LRRFIP1: variants seen among roughly 807,000 people sequenced by gnomAD.
LRRFIP1 encodes leucine-rich repeat flightless-interacting protein 1.
A neutral mutation model predicts 104.4 loss-of-function variants in LRRFIP1; 62 were observed. The ratio of observed to expected loss-of-function variants is 0.59; its 90% CI spans 0.48 to 0.73. The LOEUF (loss-of-function observed/expected upper bound fraction) is 0.73, where lower values mean the gene tolerates loss of function less well. Among genes scored for constraint, LRRFIP1 ranks in the 30% least tolerant of loss-of-function variants. The pLI is 0.00. For synonymous variants in LRRFIP1, 300 were observed against 299.0 expected (o/e 1.00, Z -0.03); for missense variants, 796 against 824.5 (o/e 0.97, Z 0.42).
At chr2:237,748,259 A>C in intron 11 of LRRFIP1, 105 bp from the exon 12 acceptor site, 1 of 897,498 alleles carries the variant, frequency 1.1e-6, no homozygotes, top group East Asian at 2.5e-5. Flanking sequence ...ATTACAAAGG[A>C]AGCAAATGTT....
chr2:237,746,749 A>G (rs767038825), intron 11 of LRRFIP1, among the ~76,000 whole-genome samples: 17 of 152,242 alleles, frequency 1.1e-4, no homozygotes, highest in Non-Finnish European at 2.4e-4. Context: ...CAACGTGAGA[A>G]TGGACATCAG....
At chr2:237,672,360 T>C (rs1390234352) in intron 1 of LRRFIP1, among the ~76,000 whole-genome samples, 1 of 152,132 alleles carries the variant, frequency 6.6e-6, no homozygotes, top group South Asian at 2.1e-4. Flanking sequence ...CTTTAGAGAG[T>C]GAGGATCGAT....
chr2:237,673,717 G>C (rs988869631), intron 1 of LRRFIP1, among the ~76,000 whole-genome samples: 4 of 152,182 alleles, frequency 2.6e-5, no homozygotes, highest in African/African-American at 7.2e-5. Context: ...GGCGGGGAGG[G>C]TACCGTTTGG....
At chr2:237,753,542 T>C in intron 15 of LRRFIP1, 63 bp downstream of exon 15, 1 of 1,404,256 alleles carries the variant, frequency 7.1e-7, no homozygotes. Context: ...ATGCCTGTAA[T>C]TCTGGTACTT....
intron 1 of LRRFIP1, among the ~76,000 whole-genome samples, chr2:237,681,611 C>T (rs1470353516): frequency 6.6e-6 from 1 of 151,318 alleles, no homozygotes; most frequent in African/African-American, 2.4e-5. Context: ...AGGTGATCTG[C>T]CTGCCTCAGC....
chr2:237,674,991 C>T (rs937462455), intron 1 of LRRFIP1, among the ~76,000 whole-genome samples: 1 of 152,230 alleles, frequency 6.6e-6, no homozygotes, highest in Non-Finnish European at 1.5e-5. Context: ...GAGGAGGGAG[C>T]CCGGAGCACG....
At chr2:237,687,345 C>T (rs541348921) in intron 1 of LRRFIP1, among the ~76,000 whole-genome samples, 1 of 152,104 alleles carries the variant, frequency 6.6e-6, no homozygotes, top group African/African-American at 2.4e-5. Context: ...TGGCTTACAC[C>T]TGTAATCCCA....
At chr2:237,778,957 C>G (rs1182239286) in intron 23 of LRRFIP1, among the ~76,000 whole-genome samples, 1 of 151,424 alleles carries the variant, frequency 6.6e-6, no homozygotes, top group Non-Finnish European at 1.5e-5. Context: ...AGCGTGGTGG[C>G]TCATGCCTGT....
At chr2:237,743,688 A>G (rs1010184452) in intron 11 of LRRFIP1, among the ~76,000 whole-genome samples, 4 of 152,002 alleles carry the variant, frequency 2.6e-5, no homozygotes, top group African/African-American at 9.7e-5. Context: ...CCCAGCCCTC[A>G]TGGGACGCAC....
intron 1 of LRRFIP1, among the ~76,000 whole-genome samples, chr2:237,663,848 C>T (rs894706705): frequency 5.3e-5 from 8 of 152,100 alleles, no homozygotes; most frequent in Admixed American, 1.3e-4. Flanking sequence ...GGTTCACGTG[C>T]ATTCGCCTGG....
chr2:237,718,502 G>T (rs2094426425), intron 4 of LRRFIP1, among the ~76,000 whole-genome samples: 1 of 152,150 alleles, frequency 6.6e-6, no homozygotes, highest in African/African-American at 2.4e-5. Context: ...CCCACATAGG[G>T]AGGCTGCGGA....
chr2:237,647,361 A>G (rs2149362214), intron 1 of LRRFIP1, among the ~76,000 whole-genome samples: 1 of 151,922 alleles, frequency 6.6e-6, no homozygotes, highest in Non-Finnish European at 1.5e-5. Context: ...GGCTCTTAAC[A>G]CTTCTGCCCA....
At chr2:237,662,342 G>A (rs2088169670) in intron 1 of LRRFIP1, among the ~76,000 whole-genome samples, 2 of 152,110 alleles carry the variant, frequency 1.3e-5, no homozygotes, top group African/African-American at 4.8e-5. Context: ...GTCCAAATAA[G>A]GCCCCATCCA....
chr2:237,762,303 A>G (rs957138812), intron 19 of LRRFIP1, among the ~76,000 whole-genome samples: 2 of 152,202 alleles, frequency 1.3e-5, no homozygotes, highest in African/African-American at 4.8e-5. Context: ...TGCCTGATCC[A>G]GAGTTCTTTC....
At chr2:237,718,981 A>G (rs1038865968) in intron 4 of LRRFIP1, among the ~76,000 whole-genome samples, 3 of 152,240 alleles carry the variant, frequency 2.0e-5, no homozygotes, top group Admixed American at 1.3e-4. Flanking sequence ...TTGAAGTTGT[A>G]TCATTGTTTT....
chr2:237,667,432 A>G (rs1342987022), intron 1 of LRRFIP1, among the ~76,000 whole-genome samples: 1 of 152,226 alleles, frequency 6.6e-6, no homozygotes, highest in Admixed American at 6.5e-5. Context: ...TCTATGTGCC[A>G]CATTTTCTTT....
At position 237,703,635 on chromosome 2, in the gene LRRFIP1, G is replaced by A. The variant is rs756848874; in HGVS notation, c.97-4909G>A. Among the ~76,000 whole-genome samples the A allele has an allele frequency of 2.6e-5, 4 of 151,774 alleles. No individual in the cohort carries two copies. Among genetic ancestry groups the A allele is most frequent in the African/African-American group, 4.8e-5 (2 of 41,268 alleles). ...CTGCGGATGCCTTCCCCAGCCCCCCGGGGTTGGGTCAAGTTCTCCAGAGCA... is the reference window on the plus strand; with the variant it reads ...CTGCGGATGCCTTCCCCAGCCCCCCAGGGTTGGGTCAAGTTCTCCAGAGCA... On this transcript the variant is annotated intron_variant, in intron 1 of 23. Transcript: ENST00000308482. The surrounding 1 kb of genome is among the most constrained non-coding windows in gnomAD (Gnocchi z 4.3).
chr2:237,677,397 A>G (rs2091281887), intron 1 of LRRFIP1, among the ~76,000 whole-genome samples: 2 of 152,182 alleles, frequency 1.3e-5, no homozygotes, highest in African/African-American at 4.8e-5. Flanking sequence ...GTTAAATTCC[A>G]CTATGTATCT....
At chr2:237,662,876 T>A (rs534373011) in intron 1 of LRRFIP1, among the ~76,000 whole-genome samples, 1 of 152,286 alleles carries the variant, frequency 6.6e-6, no homozygotes, top group African/African-American at 2.4e-5. Context: ...ACCGTTGCCA[T>A]GACGGCACCC....
Sources: gnomAD v4.1 joint callset for allele counts (sites outside exome capture counted in the v4.1 genomes callset) on GRCh38, gnomAD v4.1.1 for gene constraint, Gnocchi (gnomAD v3.1) non-coding constraint, MANE v1.5 for transcripts, NCBI Gene and HGNC (gene_info 2026-07-23, HGNC 2026-07-21) for gene names.